Variants in RIMS1 observed in about 807,000 individuals in gnomAD.
The protein encoded by RIMS1 is regulating synaptic membrane exocytosis 1, also known as regulating synaptic membrane exocytosis protein 1.
A neutral mutation model predicts 214.1 loss-of-function variants in RIMS1; 83 were observed. That is an observed-to-expected ratio of 0.39 (90% CI 0.32 to 0.47). The LOEUF is 0.47. RIMS1 is among the 20% of genes least tolerant of loss of function. The probability of loss-of-function intolerance (pLI) is 0.99; values close to 1 mark genes in which losing one functional copy is unlikely to be tolerated. For missense variants in RIMS1, 2,050 were observed against 2,161.8 expected (o/e 0.95, Z 1.03); for synonymous variants, 793 against 786.8 (o/e 1.01, Z -0.13).
chr6:72,122,788 T>C (rs1406200076), intron 4 of RIMS1, among the ~76,000 whole-genome samples: 1 of 151,904 alleles, frequency 6.6e-6, no homozygotes, highest in Non-Finnish European at 1.5e-5. Context: ...TATTCTCTGA[T>C]GGTAGTTTGT....
chr6:72,290,872 A>AG lies in RIMS1; in HGVS notation c.3737+12dup. ...TCCGCTTCTGACAAGGTCGCTATTC[A>AG]GTGTCCCCCTCAGCATTCATGTCCT... On this transcript the variant is annotated intron_variant, in intron 25 of 33. Transcript: ENST00000521978. The AG allele has an allele frequency of 6.2e-7, 1 of 1,610,908 alleles. No individual in the cohort carries two copies.
At chr6:72,114,256 A>G (rs2036642929) in intron 4 of RIMS1, among the ~76,000 whole-genome samples, 2 of 152,016 alleles carry the variant, frequency 1.3e-5, no homozygotes, top group Admixed American at 1.3e-4. Flanking sequence ...AAATGTGTAC[A>G]GAGTAGTTTC....
chr6:72,128,713 A>G lies in RIMS1; in HGVS notation c.471+28727A>G, dbSNP rs546936041. Among the ~76,000 whole-genome samples, 8 of 152,364 alleles carry G rather than the reference A, an allele frequency of 5.3e-5. 1 individual carries two copies. In the South Asian group the frequency reaches 1.7e-3, roughly 32 times the overall value. ...TTTTGTCTGATTTGAATGTGACTTTAAAAATCCAGGAACAACAAACACAGA... is the reference window on the plus strand; with the variant it reads ...TTTTGTCTGATTTGAATGTGACTTTGAAAATCCAGGAACAACAAACACAGA... On this transcript the variant is annotated intron_variant, in intron 4 of 33. Coordinates refer to ENST00000521978, the MANE Select transcript of RIMS1 (RefSeq NM_014989.7).
At chr6:72,299,988 G>A (rs1388730019) in intron 26 of RIMS1, among the ~76,000 whole-genome samples, 1 of 151,370 alleles carries the variant, frequency 6.6e-6, no homozygotes, top group Non-Finnish European at 1.5e-5. Flanking sequence ...AATATTCCTG[G>A]GCATTGCTTC....
intron 6 of RIMS1, among the ~76,000 whole-genome samples, chr6:72,183,637 G>T: frequency 6.9e-6 from 1 of 144,340 alleles, no homozygotes; most frequent in African/African-American, 2.6e-5. Context: ...GTTTATTCTT[G>T]GACAATACGG....
chr6:72,328,970 C>G (rs904509425), intron 28 of RIMS1, among the ~76,000 whole-genome samples: 2 of 151,746 alleles, frequency 1.3e-5, no homozygotes, highest in East Asian at 3.9e-4. Flanking sequence ...TATTATTAGT[C>G]ATAAGCAATG....
At chr6:72,283,699 T>C (rs1354629732) in intron 23 of RIMS1, among the ~76,000 whole-genome samples, 3 of 152,116 alleles carry the variant, frequency 2.0e-5, no homozygotes, top group Non-Finnish European at 4.4e-5. Context: ...ACATTTATCA[T>C]TATTACACTT....
intron 1 of RIMS1, among the ~76,000 whole-genome samples, chr6:71,954,446 A>C (rs546889605): frequency 2.0e-5 from 3 of 152,204 alleles, no homozygotes; most frequent in Non-Finnish European, 4.4e-5. Context: ...ATTCATCTTG[A>C]TGCAAAATTT....
Position 72,223,947 on chromosome 6 carries a change from C to CAAAAAA in RIMS1, c.1679-9813_1679-9808dup, listed in dbSNP as rs34645921. Among the ~76,000 whole-genome samples the CAAAAAA allele has an allele frequency of 2.8e-5, 3 of 105,950 alleles. 1 individual carries two copies. Among genetic ancestry groups the CAAAAAA allele is most frequent in the Non-Finnish European group, 3.9e-5 (2 of 51,918 alleles). The allele number at this position is 105,950 out of a possible 152,430, so 69.5% of individuals were successfully genotyped here. On this transcript the variant is annotated intron_variant, in intron 6 of 33. Coordinates refer to ENST00000521978, the MANE Select transcript of RIMS1 (RefSeq NM_014989.7). ...TGGGTGACAGAGCGAGACTCCGTCT[C>CAAAAAA]AAAAAAAAAAAAAAAAAAGCCAGTT... is the stretch of plus-strand genomic sequence containing the variant.
Position 72,256,671 on chromosome 6 carries a change from C to G in RIMS1, c.2771-1454C>G, listed in dbSNP as rs552085467. On this transcript the variant is annotated intron_variant, in intron 16 of 33. Coordinates refer to ENST00000521978, the MANE Select transcript of RIMS1 (RefSeq NM_014989.7). ...GTAATTCAGACTATGGATTAATTGT[C>G]TTTATAAATAGTCACCCTTTTTTTT... Among the ~76,000 whole-genome samples the G allele has an allele frequency of 5.4e-5, 7 of 130,610 alleles. No individual in the cohort carries two copies. In the South Asian group the frequency reaches 1.8e-3, roughly 33 times the overall value. 85.7% of individuals were successfully genotyped at this position (130,610 alleles called of 152,430 possible). A position where few individuals can be genotyped will look rare whatever the true frequency, so the allele number is the denominator to read the frequency against.
At chr6:72,065,081 T>A (rs1828950267) in intron 2 of RIMS1, among the ~76,000 whole-genome samples, 1 of 152,232 alleles carries the variant, frequency 6.6e-6, no homozygotes, top group Admixed American at 6.5e-5. Context: ...TATGATTAGT[T>A]ATTAATTATC....
At position 72,227,157 on chromosome 6, in the gene RIMS1, A is replaced by G. The variant is rs957953613; in HGVS notation, c.1679-6616A>G. ...ATATGATTATAAATATTAGCATATA[A>G]TGTTGATGGAGAAATTAAAACATAA... is the stretch of plus-strand genomic sequence containing the variant. On this transcript the variant is annotated intron_variant, in intron 6 of 33. Transcript: ENST00000521978. Among the ~76,000 whole-genome samples, 4 of 152,044 alleles carry G rather than the reference A, an allele frequency of 2.6e-5. No homozygotes were observed. In the East Asian group the frequency reaches 7.7e-4, roughly 29 times the overall value.
intron 1 of RIMS1, among the ~76,000 whole-genome samples, chr6:71,904,053 T>C (rs1381595361): frequency 2.0e-5 from 3 of 152,088 alleles, no homozygotes; most frequent in Non-Finnish European, 4.4e-5. Context: ...TGGGATGACC[T>C]TGTTTATTAT....
At chr6:72,327,635 A>G (rs548998564) in intron 28 of RIMS1, among the ~76,000 whole-genome samples, 2 of 151,864 alleles carry the variant, frequency 1.3e-5, no homozygotes, top group African/African-American at 2.4e-5. Context: ...CCCATCAGCA[A>G]TGTTGACGGC....
chr6:72,001,646 T>C (rs1805299769), intron 2 of RIMS1, among the ~76,000 whole-genome samples: 1 of 152,222 alleles, frequency 6.6e-6, no homozygotes, highest in Admixed American at 6.5e-5. Flanking sequence ...TTTATTCCTA[T>C]AGGTTACTAT....
intron 1 of RIMS1, among the ~76,000 whole-genome samples, chr6:71,897,947 C>A (rs1481265939): frequency 6.6e-6 from 1 of 152,086 alleles, no homozygotes; most frequent in Non-Finnish European, 1.5e-5. Context: ...ATTCAGTCAG[C>A]AAATTTTGAA....
chr6:72,026,179 C>G (rs73750319), intron 2 of RIMS1, among the ~76,000 whole-genome samples: 1,658 of 152,170 alleles, frequency 0.011, 26 homozygotes, highest in African/African-American at 0.038. Context: ...AGGTTGGCTA[C>G]CACATTTCAA....
intron 31 of RIMS1, among the ~76,000 whole-genome samples, chr6:72,397,453 G>T (rs1448880687): frequency 6.6e-6 from 1 of 152,196 alleles, no homozygotes; most frequent in Admixed American, 6.5e-5. Context: ...ATGTTAGAGT[G>T]TGGGAAGCAG....
At chr6:72,037,113 T>C (rs1286792716) in intron 2 of RIMS1, among the ~76,000 whole-genome samples, 1 of 152,074 alleles carries the variant, frequency 6.6e-6, no homozygotes, top group Non-Finnish European at 1.5e-5. Context: ...GTATATTTAC[T>C]TCCTTATAGC....
Sources: gnomAD v4.1 joint callset for allele counts (sites outside exome capture counted in the v4.1 genomes callset) on GRCh38, gnomAD v4.1.1 for gene constraint, MANE v1.5 for transcripts, NCBI Gene and HGNC (gene_info 2026-07-23, HGNC 2026-07-21) for gene names.